PCBD1: variants seen among roughly 807,000 people sequenced by gnomAD.
The protein encoded by PCBD1 is pterin-4 alpha-carbinolamine dehydratase 1.
PCBD1 carries 16 observed loss-of-function variants against 12.6 expected under a neutral mutation model. The ratio of observed to expected loss-of-function variants is 1.27; its 90% CI spans 0.86 to 1.93. PCBD1 has a LOEUF of 1.93. PCBD1 is among the 30% of genes most tolerant of loss of function. PCBD1 has a pLI of 0.00. For synonymous variants in PCBD1, 53 were observed against 50.2 expected (o/e 1.05, Z -0.23); for missense variants, 86 against 130.1 (o/e 0.66, Z 1.65).
rs745867139 is a variant in PCBD1, at chr10:70,888,491, C to T, written c.3+40G>A. On this transcript the variant is annotated intron_variant, in intron 1 of 3. Transcript: ENST00000299299. The stretch of plus-strand genomic sequence containing the variant: ...CCCACCTCGCCCGCGGCTGCCCCGG[C>T]CCCGCTGCCCCGATCGCGGCCGCGC... 47 of 1,447,084 alleles carry T rather than the reference C, an allele frequency of 3.2e-5. No homozygotes were observed. In the Admixed American group the frequency reaches 9.4e-4, roughly 29 times the overall value. 89.6% of individuals were successfully genotyped at this position (1,447,084 alleles called of 1,614,324 possible).
downstream of PCBD1, chr10:70,883,490 G>C: frequency 9.4e-7 from 1 of 1,063,234 alleles, no homozygotes; most frequent in Non-Finnish European, 1.1e-6. Flanking sequence ...CTGTGGAAAA[G>C]AAGTTTCTAG....
intron 2 of PCBD1, 47 bp downstream of exon 2, chr10:70,885,751 C>A (rs919023007): frequency 1.2e-6 from 2 of 1,610,754 alleles, no homozygotes; most frequent in African/African-American, 2.7e-5. Flanking sequence ...TGTAAGGTGA[C>A]CCCATCAGCC....
At chr10:70,886,788 C>T (rs989049493) in intron 1 of PCBD1, among the ~76,000 whole-genome samples, 1 of 152,218 alleles carries the variant, frequency 6.6e-6, no homozygotes, top group Non-Finnish European at 1.5e-5. Flanking sequence ...ATCCTATTTA[C>T]CTAATGTGCG....
At chr10:70,887,485 GAC>G (rs2131970196) in intron 1 of PCBD1, among the ~76,000 whole-genome samples, 1 of 152,236 alleles carries the variant, frequency 6.6e-6, no homozygotes, top group South Asian at 2.1e-4. Flanking sequence ...CCCCGTGGCT[GAC>G]CGCCTGGTCC....
intron 1 of PCBD1, chr10:70,887,964 GGA>G (rs1380273584): frequency 6.6e-6 from 1 of 152,262 alleles, no homozygotes; most frequent in Admixed American, 6.5e-5. Context: ...GAAGCTCACG[GGA>G]GGAGGGCTGC....
At chr10:70,888,426 G>A in intron 1 of PCBD1, 105 bp downstream of exon 1, 1 of 1,331,550 alleles carries the variant, frequency 7.5e-7, no homozygotes, top group Non-Finnish European at 9.9e-7. Context: ...CGGCGGCTCC[G>A]CAGGGGACTC....
chr10:70,885,893 C>T lies in PCBD1; in HGVS notation c.40G>A (p.Asp14Asn). 6.2e-7 allele frequency: 1 copy of T among 1,614,038 alleles called. No homozygotes were observed. Among genetic ancestry groups the T allele is most frequent in the Non-Finnish European group, 8.5e-7 (1 of 1,179,998 alleles). Residue 14 changes from aspartate (D) to asparagine (N), a missense_variant, in exon 2 of 4, where the codon GAC (aspartate) becomes AAC (asparagine). Asp to Asn is a conservative substitution (Grantham distance 23, BLOSUM62 1). Transcript: ENST00000299299. ...GCCCTCAGGTTTGGCAGCAGCTGGT[C>T]CCTCTCCTCAGCGCTCAGCCTGTGT... ...KAHRLSAEER[D>N]QLLPNLRAVG... is the part of the protein sequence containing the mutation.
intron 1 of PCBD1, chr10:70,888,025 C>G (rs1846614887): frequency 6.6e-6 from 1 of 152,144 alleles, no homozygotes; most frequent in Admixed American, 6.5e-5. Flanking sequence ...CAAGCCGGCG[C>G]GGGGAGTGGC....
downstream of PCBD1, among the ~76,000 whole-genome samples, chr10:70,883,324 G>A (rs1482582591): frequency 6.6e-6 from 1 of 152,186 alleles, no homozygotes; most frequent in Non-Finnish European, 1.5e-5. Flanking sequence ...TTGTGTTCCT[G>A]TTTGATGATA....
In PCBD1 at chr10:70,888,352, G is replaced by C. The variant is rs373150873; in HGVS notation, c.3+179C>G. On this transcript the variant is annotated intron_variant, in intron 1 of 3. Coordinates refer to ENST00000299299, the MANE Select transcript of PCBD1 (RefSeq NM_000281.4). ...CGAACCCGCCACCGCCCCTCTCAGG[G>C]CTTCAGCTTCCCCTCCCCGCCGCCA... 665 of 578,392 alleles carry C rather than the reference G, an allele frequency of 1.1e-3. 2 individuals carry two copies. The highest frequency in any genetic ancestry group is 0.011 in the South Asian group (317 of 29,960). 35.8% of individuals were successfully genotyped at this position (578,392 alleles called of 1,614,324 possible). A position where few individuals can be genotyped will look rare whatever the true frequency, so the allele number is the denominator to read the frequency against.
At chr10:70,887,989 A>G (rs1846614198) in intron 1 of PCBD1, 1 of 150,432 alleles carries the variant, frequency 6.6e-6, no homozygotes, top group East Asian at 2.0e-4. Flanking sequence ...CAGCGCCACC[A>G]AGCCCCCGTG....
At chr10:70,884,768 T>C (rs1406094123) in intron 3 of PCBD1, among the ~76,000 whole-genome samples, 2 of 152,166 alleles carry the variant, frequency 1.3e-5, no homozygotes, top group African/African-American at 4.8e-5. Flanking sequence ...TTAGTTCAAG[T>C]TTATTACTTT....
downstream of PCBD1, among the ~76,000 whole-genome samples, chr10:70,882,664 A>G (rs1053360976): frequency 6.6e-6 from 1 of 152,210 alleles, no homozygotes; most frequent in African/African-American, 2.4e-5. Flanking sequence ...TAGGGAAGAC[A>G]GTCGGCTTTA....
At chr10:70,882,293 A>G (rs1421491516), downstream of PCBD1, 1 of 152,254 alleles carries the variant, frequency 6.6e-6, no homozygotes, top group African/African-American at 2.4e-5. Context: ...GGGATCTGCC[A>G]TATCTGATAT....
chr10:70,888,387 A>G, intron 1 of PCBD1, 144 bp downstream of exon 1: 1 of 910,574 alleles, frequency 1.1e-6, no homozygotes, highest in South Asian at 2.0e-5. Context: ...AGCGACAGAG[A>G]GCCGGGCAGA....
chr10:70,887,346 C>G (rs916765595), intron 1 of PCBD1, among the ~76,000 whole-genome samples: 6 of 152,172 alleles, frequency 3.9e-5, no homozygotes, highest in Admixed American at 6.5e-5. Flanking sequence ...AAAACGTGAG[C>G]TCTCTCTGGA....
intron 2 of PCBD1, among the ~76,000 whole-genome samples, chr10:70,885,561 A>G (rs990031003): frequency 1.3e-5 from 2 of 152,230 alleles, no homozygotes; most frequent in Non-Finnish European, 2.9e-5. Flanking sequence ...ACTGCTGCTA[A>G]AAGTTCCAGG....
intron 2 of PCBD1, 23 bp downstream of exon 2, chr10:70,885,773 ACT>A (rs1208231046): frequency 6.2e-7 from 1 of 1,613,512 alleles, no homozygotes; most frequent in Admixed American, 1.7e-5. Context: ...GTCTCAGAAA[ACT>A]CTGTCCCACC....
chr10:70,888,260 C>T (rs528266772), intron 1 of PCBD1: 1 of 348,770 alleles, frequency 2.9e-6, no homozygotes, highest in African/African-American at 2.2e-5. Flanking sequence ...GCCCCGCCCC[C>T]GGAAGGGTCC....
Sources: allele counts gnomAD v4.1 joint callset (sites outside exome capture counted in the v4.1 genomes callset), GRCh38; gene constraint gnomAD v4.1.1; transcripts MANE v1.5; gene names NCBI Gene and HGNC (gene_info 2026-07-23, HGNC 2026-07-21).